The following UMOD variants were observed in gnomAD, a reference collection of about 807,000 sequenced individuals.
The protein encoded by UMOD is Tamm-Horsfall urinary glycoprotein.
In UMOD, 64 loss-of-function variants were observed where a neutral mutation model predicts 66.0. The ratio of observed to expected loss-of-function variants is 0.97; its 90% CI spans 0.79 to 1.19. The LOEUF (loss-of-function observed/expected upper bound fraction) is 1.19. Among genes scored for constraint, UMOD ranks in the 50% most tolerant of loss-of-function variants. The pLI is 0.00. For synonymous variants in UMOD, 398 were observed against 352.7 expected, an observed-to-expected ratio of 1.13 and a Z score of -1.44; for missense variants, 764 against 850.9, an observed-to-expected ratio of 0.90 and a Z score of 1.27.
At chr16:20,339,584 T>C (rs944466204) in intron 7 of UMOD, among the ~76,000 whole-genome samples, 3 of 152,242 alleles carry the variant, frequency 2.0e-5, no homozygotes, top group Non-Finnish European at 4.4e-5. Context: ...GAACATCACA[T>C]TGGCACTCAC....
intron 4 of UMOD, among the ~76,000 whole-genome samples, chr16:20,347,088 T>C (rs1254013267): frequency 6.6e-6 from 1 of 152,150 alleles, no homozygotes; most frequent in Non-Finnish European, 1.5e-5. Context: ...AGAGGTGCCA[T>C]CTTGGCTCAC....
intron 1 of UMOD, chr16:20,351,318 A>T (rs1965882647): frequency 1.7e-5 from 3 of 179,362 alleles, no homozygotes; most frequent in Non-Finnish European, 3.6e-5. Flanking sequence ...ATCGTAAAGA[A>T]GTGGCTTGAG....
In UMOD at chr16:20,348,876, C is replaced by CG; in HGVS notation, c.424dup (p.Arg142ProfsTer8). 1 of 1,550,560 alleles carries CG rather than the reference C, an allele frequency of 6.4e-7. No homozygotes were observed. The highest frequency in any genetic ancestry group is 8.7e-7 in the Non-Finnish European group (1 of 1,147,964). On this transcript the variant is annotated frameshift_variant, in exon 3 of 11. Transcript: ENST00000396138. LOFTEE classifies it high-confidence loss of function. ...GCACTCACAGTGCCATCCATCCCCC[C>CG]GGTAGCCCGCGGGGCATACGCACAA...
rs550521976 is a variant in UMOD, at chr16:20,341,124, G to A, written c.1544C>T (p.Thr515Met). 4.2e-5 allele frequency: 67 copies of A among 1,613,974 alleles called. No individual in the cohort carries two copies. Among genetic ancestry groups the A allele is most frequent in the South Asian group, 3.0e-4 (27 of 91,070 alleles). The change falls in exon 7 of 11, where the codon ACG (threonine) becomes ATG (methionine). Residue 515 changes from threonine to methionine, a missense_variant. Thr to Met is a moderately conservative substitution (Grantham distance 81). Transcript: ENST00000396138. Reference protein sequence around the residue: ...NCYATPSSNATDPLKYFIIQD... With the variant: ...NCYATPSSNAMDPLKYFIIQD... ...GATGATGAAGTACTTCAGGGGGTCC[G>A]TGGCATTGCTACTGGGTGTGGCATA...
intron 7 of UMOD, 98 bp downstream of exon 7, chr16:20,340,993 A>G: frequency 8.8e-6 from 4 of 455,836 alleles, no homozygotes; most frequent in Admixed American, 4.8e-5. Flanking sequence ...GACTCTGTCA[A>G]AAAAAAAAAA....
At chr16:20,343,156 T>TAAATAAATAAATAAATAATTA (rs1965337136) in intron 6 of UMOD, among the ~76,000 whole-genome samples, 1 of 151,814 alleles carries the variant, frequency 6.6e-6, no homozygotes, top group Non-Finnish European at 1.5e-5. Context: ...AATAAATAAA[T>TAAATAAATAAATAAATAATTA]AATCAATAAA....
Position 20,349,611 on chromosome 16 carries a change from C to G in UMOD, c.89-399G>C, listed in dbSNP as rs1242931506. Reference sequence around the variant, plus strand: ...GACCACAGGCACGTGCAATCGCGCCCAGCTCCACCATTCATTTTTTGTGTT... The same window carrying G: ...GACCACAGGCACGTGCAATCGCGCCGAGCTCCACCATTCATTTTTTGTGTT... On this transcript the variant is annotated intron_variant, in intron 2 of 10. Transcript: ENST00000396138. The G allele has an allele frequency of 3.1e-3, 4,350 of 1,409,404 alleles. 15 individuals are homozygous for G. The highest frequency in any genetic ancestry group is 3.4e-3 in the Non-Finnish European group (3,707 of 1,075,970). The allele number at this position is 1,409,404 out of a possible 1,614,324, so 87.3% of individuals were successfully genotyped here. A position where few individuals can be genotyped will look rare whatever the true frequency, so the allele number is the denominator to read the frequency against.
chr16:20,344,077 G>A lies in UMOD; in HGVS notation c.1278C>T (p.Ser426=). Residue 426 remains serine (S), a synonymous_variant, in exon 6 of 11, where the codon TCC becomes TCT. Transcript: ENST00000396138. ...DLNIKINFAC[S]YPLDMKVSLK... ...GGCTGACTTTCATGTCCAGGGGGTA[G>A]GAGCATGCAAAGTTGATTTTGATGT... 1 of 1,614,044 alleles carries A rather than the reference G, an allele frequency of 6.2e-7. No homozygotes were observed. Among genetic ancestry groups the A allele is most frequent in the Non-Finnish European group, 8.5e-7 (1 of 1,180,020 alleles).
intron 7 of UMOD, among the ~76,000 whole-genome samples, chr16:20,339,544 T>G (rs1965069641): frequency 6.6e-6 from 1 of 152,230 alleles, no homozygotes; most frequent in African/African-American, 2.4e-5. Flanking sequence ...TGCTTTATTT[T>G]TATTGCAAAG....
At chr16:20,343,201 T>C (rs886714106) in intron 6 of UMOD, among the ~76,000 whole-genome samples, 1 of 152,176 alleles carries the variant, frequency 6.6e-6, no homozygotes, top group African/African-American at 2.4e-5. Flanking sequence ...TTTTCCATCA[T>C]TGGCCTGTGA....
upstream of UMOD, among the ~76,000 whole-genome samples, chr16:20,355,993 T>C (rs1452692755): frequency 6.6e-6 from 1 of 152,200 alleles, no homozygotes; most frequent in Non-Finnish European, 1.5e-5. Flanking sequence ...CATTCCATGC[T>C]CAGCCATGAC....
At chr16:20,338,493 CT>C (rs1256970485) in intron 7 of UMOD, among the ~76,000 whole-genome samples, 1 of 152,092 alleles carries the variant, frequency 6.6e-6, no homozygotes, top group East Asian at 1.9e-4. Context: ...CCCTGCTGTA[CT>C]TTTATTTTAT....
intron 5 of UMOD, among the ~76,000 whole-genome samples, chr16:20,345,311 G>A (rs1340541643): frequency 6.6e-6 from 1 of 152,048 alleles, no homozygotes; most frequent in East Asian, 1.9e-4. Flanking sequence ...ACCATGCCCG[G>A]CCAACATTAA....
At chr16:20,350,150 A>G (rs1219463789) in intron 2 of UMOD, among the ~76,000 whole-genome samples, 2 of 152,198 alleles carry the variant, frequency 1.3e-5, no homozygotes, top group Non-Finnish European at 2.9e-5. Context: ...ACACCGCAAT[A>G]GTATTCATCG....
At chr16:20,337,158 G>C in intron 8 of UMOD, 133 bp downstream of exon 8, 1 of 1,252,704 alleles carries the variant, frequency 8.0e-7, no homozygotes, top group Non-Finnish European at 1.1e-6. Flanking sequence ...GCCTAGCCAC[G>C]CCCACCTCAT....
Position 20,350,672 on chromosome 16 carries a change from TG to T in UMOD, c.65del (p.Ala22GlufsTer40). On this transcript the variant is annotated frameshift_variant, in exon 2 of 11. Coordinates refer to ENST00000396138, the MANE Select transcript of UMOD (RefSeq NM_003361.4). LOFTEE classifies it high-confidence loss of function. Reference protein sequence around the residue: ...VVVASWFITTAATDTSEARWC... With the variant: ...VVVASWFITTXATDTSEARWC... ...TACTTGCTTCTGAGGTGTCAGTGGC[TG>T]CAGTTGTGATGAACCAAGAGGCCAC... is the stretch of plus-strand genomic sequence containing the variant. 6.2e-7 allele frequency: 1 copy of T among 1,614,182 alleles called. No homozygotes were observed. Among genetic ancestry groups the T allele is most frequent in the African/African-American group, 1.3e-5 (1 of 75,028 alleles).
At chr16:20,355,084 C>T (rs1004129683), upstream of UMOD, among the ~76,000 whole-genome samples, 2 of 152,136 alleles carry the variant, frequency 1.3e-5, no homozygotes, top group Non-Finnish European at 1.5e-5. Context: ...AGGCTCTTTC[C>T]TGCCTTTTCC....
In UMOD at chr16:20,346,345, T is replaced by C; in HGVS notation, c.974-11A>G. ...CCAGGAGGGAGATATCTGAAACAGG[T>C]TAGGTGGGATTGAGGACGTGTGTCT... is the stretch of plus-strand genomic sequence containing the variant. On this transcript the variant is annotated splice_polypyrimidine_tract_variant and intron_variant, in intron 4 of 10. Transcript: ENST00000396138. 2 of 1,614,080 alleles carry C rather than the reference T, an allele frequency of 1.2e-6. No individual in the cohort carries two copies. Among genetic ancestry groups the C allele is most frequent in the Non-Finnish European group, 1.7e-6 (2 of 1,179,982 alleles).
chr16:20,352,490 G>A (rs1965947370), intron 1 of UMOD, 199 bp downstream of exon 1: 1 of 399,666 alleles, frequency 2.5e-6, no homozygotes, highest in Non-Finnish European at 4.4e-6. Context: ...TCAAAAAATA[G>A]TAGTCATTGT....
Sources: gnomAD v4.1 joint callset for allele counts (sites outside exome capture counted in the v4.1 genomes callset) on GRCh38, gnomAD v4.1.1 for gene constraint, MANE v1.5 for transcripts, NCBI Gene and HGNC (gene_info 2026-07-23, HGNC 2026-07-21) for gene names.